RP2: variants seen among roughly 807,000 people sequenced by gnomAD.
The protein encoded by RP2 is protein XRP2.
A neutral mutation model predicts 20.3 loss-of-function variants in RP2; 3 were observed. The observed-to-expected ratio is 0.15, with a 90% CI of 0.07 to 0.38. The LOEUF (loss-of-function observed/expected upper bound fraction) is 0.38, where lower values mean the gene tolerates loss of function less well. Among genes scored for constraint, RP2 ranks in the 10% least tolerant of loss-of-function variants. The pLI is 1.00. For missense variants in RP2, 233 were observed against 268.5 expected, an observed-to-expected ratio of 0.87 and a Z score of 0.92; for synonymous variants, 75 against 94.8, an observed-to-expected ratio of 0.79 and a Z score of 1.22.
chrX:46,865,357 CA>C (rs1282121253), intron 3 of RP2, among the ~76,000 whole-genome samples: 1 of 111,712 alleles, frequency 9.0e-6, no homozygotes, highest in Non-Finnish European at 1.9e-5. Context: ...GAATGTTCCT[CA>C]ATTTATGTTT....
chrX:46,847,704 A>ATATACACACATATGTGTGTG (rs1569531333), intron 1 of RP2, among the ~76,000 whole-genome samples: 13 of 82,591 alleles, frequency 1.6e-4, no homozygotes, highest in African/African-American at 6.9e-4. Flanking sequence ...GTGTGTGTGT[A>ATATACACACATATGTGTGTG]TATATACACA....
chrX:46,853,025 ACAAT>A (rs1556318432), intron 1 of RP2, among the ~76,000 whole-genome samples: 1 of 112,478 alleles, frequency 8.9e-6, no homozygotes, highest in Non-Finnish European at 1.9e-5. Flanking sequence ...TTTTATTAAA[ACAAT>A]CATTTAAAAA....
In RP2 at chrX:46,853,671, G is replaced by A. The variant is rs781936550; in HGVS notation, c.298G>A (p.Val100Met). 10 of 1,210,124 alleles carry A rather than the reference G, an allele frequency of 8.3e-6. No individual in the cohort carries two copies. In the South Asian group the frequency reaches 1.1e-4, roughly 13 times the overall value. ...IIFLGPVKGS[V>M]FFRNCRDCKC... is the part of the protein sequence containing the mutation. Reference sequence around the variant, plus strand: ...TTTTCTGGGACCCGTGAAAGGCAGCGTGTTTTTCCGGAATTGCAGAGATTG... The same window carrying A: ...TTTTCTGGGACCCGTGAAAGGCAGCATGTTTTTCCGGAATTGCAGAGATTG... The change falls in exon 2 of 5, where the codon GTG (valine) becomes ATG (methionine). Residue 100 changes from valine to methionine, a missense_variant. By Grantham distance (21) the Val-to-Met change is conservative. Transcript: ENST00000218340.
At chrX:46,838,086 G>T (rs1050061119) in intron 1 of RP2, among the ~76,000 whole-genome samples, 3 of 112,307 alleles carry the variant, frequency 2.7e-5, no homozygotes, top group Non-Finnish European at 5.6e-5. Context: ...AACAAAATGA[G>T]AGATTTTTCA....
At chrX:46,868,989 C>T (rs967196426) in intron 3 of RP2, among the ~76,000 whole-genome samples, 1 of 109,574 alleles carries the variant, frequency 9.1e-6, no homozygotes, top group Non-Finnish European at 1.9e-5. Context: ...GTCCCAGCTA[C>T]TTGGGAGACT....
intron 1 of RP2, among the ~76,000 whole-genome samples, chrX:46,840,673 A>G (rs1340402931): frequency 1.8e-5 from 2 of 112,248 alleles, no homozygotes; most frequent in African/African-American, 6.5e-5. Context: ...CCTGCCCTAA[A>G]AGAGTTTACT....
intron 2 of RP2, among the ~76,000 whole-genome samples, chrX:46,857,453 G>A (rs1303215860): frequency 2.7e-5 from 3 of 111,582 alleles, no homozygotes; most frequent in Non-Finnish European, 5.7e-5. Context: ...CCAGCTACTC[G>A]GGAGGCTGTG....
intron 3 of RP2, among the ~76,000 whole-genome samples, chrX:46,862,471 T>C (rs186647215): frequency 3.4e-4 from 37 of 108,354 alleles, no homozygotes; most frequent in Middle Eastern, 5.0e-3. Context: ...CCATCCTGGC[T>C]AACACGGTGA....
intron 3 of RP2, among the ~76,000 whole-genome samples, chrX:46,864,388 C>G (rs1417161919): frequency 2.0e-5 from 2 of 98,505 alleles, no homozygotes; most frequent in Non-Finnish European, 2.0e-5. Flanking sequence ...ACTGTGTTGT[C>G]CAGGCTAGAG....
intron 2 of RP2, among the ~76,000 whole-genome samples, chrX:46,855,130 C>T (rs1556318938): frequency 9.0e-6 from 1 of 111,115 alleles, no homozygotes. Context: ...CTCCACATTA[C>T]GTTCCTTATT....
chrX:46,838,300 G>A (rs1339729291), intron 1 of RP2, among the ~76,000 whole-genome samples: 1 of 111,894 alleles, frequency 8.9e-6, no homozygotes, highest in Non-Finnish European at 1.9e-5. Flanking sequence ...TCTCAGCCCC[G>A]TCTTTCTGCC....
chrX:46,862,585 G>A (rs1443400024), intron 3 of RP2, among the ~76,000 whole-genome samples: 5 of 110,592 alleles, frequency 4.5e-5, no homozygotes, highest in East Asian at 2.8e-4. Flanking sequence ...GCGTGAACCC[G>A]GGAGGTGGAG....
At position 46,882,127 on chromosome X, in the gene RP2, T is replaced by C. The variant is rs1187262676; in HGVS notation, c.*2358T>C. Reference sequence around the variant, plus strand: ...TTCTAACCTTTGATAGTAATCAGAATGTATTACATTTCATTTCTGAATAGC... The same window carrying C: ...TTCTAACCTTTGATAGTAATCAGAACGTATTACATTTCATTTCTGAATAGC... On this transcript the variant is annotated 3_prime_UTR_variant, in exon 5 of 5. Coordinates refer to ENST00000218340, the MANE Select transcript of RP2 (RefSeq NM_006915.3). 1 of 112,459 alleles carries C rather than the reference T, an allele frequency of 8.9e-6. No individual in the cohort carries two copies. Among genetic ancestry groups the C allele is most frequent in the Non-Finnish European group, 1.9e-5 (1 of 53,331 alleles). 9.3% of individuals were successfully genotyped at this position (112,459 alleles called of 1,213,427 possible).
At chrX:46,865,186 A>G (rs1161770028) in intron 3 of RP2, among the ~76,000 whole-genome samples, 1 of 112,069 alleles carries the variant, frequency 8.9e-6, no homozygotes, top group Non-Finnish European at 1.9e-5. Flanking sequence ...CCAGTTTTTC[A>G]ACTTATGTCC....
chrX:46,870,983 A>G (rs1320125886), intron 3 of RP2, among the ~76,000 whole-genome samples: 1 of 108,081 alleles, frequency 9.3e-6, no homozygotes, highest in Non-Finnish European at 1.9e-5. Context: ...GCCTGCTTTA[A>G]TAAGTGAAGT....
chrX:46,876,545 C>T (rs1005514552), intron 3 of RP2, among the ~76,000 whole-genome samples: 1 of 111,469 alleles, frequency 9.0e-6, no homozygotes, highest in Non-Finnish European at 1.9e-5. Flanking sequence ...ACAAATGGAA[C>T]CAATCCTTGC....
At position 46,877,703 on chromosome X, in the gene RP2, GGTGTGTGTGT is replaced by G. The variant is rs397959535; in HGVS notation, c.969+134_969+143del. ...CCCTAATGTTGCTTGGAATTTTTGG[GGTGTGTGTGT>G]GTGTGTGTGTGTGTGTGTGTTTAAA... On this transcript the variant is annotated intron_variant, in intron 4 of 4. Coordinates refer to ENST00000218340, the MANE Select transcript of RP2 (RefSeq NM_006915.3). 21 of 377,301 alleles carry G rather than the reference GGTGTGTGTGT, an allele frequency of 5.6e-5. 1 individual carries two copies. Among genetic ancestry groups the G allele is most frequent in the African/African-American group, 3.1e-4 (11 of 36,022 alleles). 31.1% of individuals were successfully genotyped at this position (377,301 alleles called of 1,213,427 possible).
At chrX:46,855,582 C>T (rs1312556626) in intron 2 of RP2, among the ~76,000 whole-genome samples, 2 of 110,366 alleles carry the variant, frequency 1.8e-5, no homozygotes, top group Non-Finnish European at 3.8e-5. Context: ...ATTCTCCTGC[C>T]TCAGCCTCCC....
At chrX:46,868,852 T>G (rs1925229851) in intron 3 of RP2, among the ~76,000 whole-genome samples, 1 of 109,348 alleles carries the variant, frequency 9.1e-6, no homozygotes, top group Admixed American at 9.8e-5. Flanking sequence ...TCCCAGCACT[T>G]AGGGAGGCTG....
Sources: allele counts gnomAD v4.1 joint callset (sites outside exome capture counted in the v4.1 genomes callset), GRCh38; gene constraint gnomAD v4.1.1; transcripts MANE v1.5; gene names NCBI Gene and HGNC (gene_info 2026-07-23, HGNC 2026-07-21).